ARHGEF11: variants seen among roughly 807,000 people sequenced by gnomAD.
The protein encoded by ARHGEF11 is Rho guanine nucleotide exchange factor 11, also known as Rho guanine exchange factor (GEF) 11.
A neutral mutation model predicts 193.7 loss-of-function variants in ARHGEF11; 55 were observed. The ratio of observed to expected loss-of-function variants is 0.28; its 90% confidence interval spans 0.23 to 0.36. The LOEUF (loss-of-function observed/expected upper bound fraction) is 0.36. Ranked by LOEUF, ARHGEF11 falls within the 10% of genes least tolerant of loss-of-function variation. The pLI, the probability that ARHGEF11 is intolerant of heterozygous loss-of-function variation, is 1.00. For missense variants in ARHGEF11, 1,723 were observed against 2,005.6 expected (o/e 0.86, Z 2.69); for synonymous variants, 693 against 768.0 (o/e 0.90, Z 1.62).
intron 1 of ARHGEF11, among the ~76,000 whole-genome samples, chr1:156,997,700 A>C (rs910734741): frequency 1.3e-5 from 2 of 152,194 alleles, no homozygotes; most frequent in African/African-American, 4.8e-5. Flanking sequence ...GGCTGGCTCA[A>C]ATTGAAATAC....
chr1:156,943,807 G>T, intron 32 of ARHGEF11, 128 bp downstream of exon 32: 1 of 1,210,306 alleles, frequency 8.3e-7, no homozygotes, highest in Non-Finnish European at 1.1e-6. Context: ...GCTGGGTCAG[G>T]ACAGGAGGAA....
intron 15 of ARHGEF11, among the ~76,000 whole-genome samples, chr1:156,959,859 GC>G (rs1395578016): frequency 1.3e-5 from 2 of 151,398 alleles, no homozygotes; most frequent in African/African-American, 4.9e-5. Flanking sequence ...CATCTAGCCT[GC>G]CTGGTCCTCA....
At chr1:156,938,241 C>G (rs914345759) in intron 38 of ARHGEF11, among the ~76,000 whole-genome samples, 177 bp downstream of exon 38, 1 of 152,152 alleles carries the variant, frequency 6.6e-6, no homozygotes, top group Non-Finnish European at 1.5e-5. Flanking sequence ...GGATGGACAG[C>G]CAGCCTTTAG....
At chr1:156,936,147 C>A in intron 40 of ARHGEF11, 89 bp from the exon 41 acceptor site, 2 of 1,320,508 alleles carry the variant, frequency 1.5e-6, no homozygotes, top group South Asian at 2.3e-5. Context: ...CTCACGAGAA[C>A]AGATCCTTCA....
intron 1 of ARHGEF11, among the ~76,000 whole-genome samples, chr1:156,998,291 T>G (rs919335129): frequency 1.3e-5 from 2 of 152,210 alleles, no homozygotes; most frequent in African/African-American, 4.8e-5. Flanking sequence ...CCTTGCAGGC[T>G]CTATCAGCAT....
intron 13 of ARHGEF11, among the ~76,000 whole-genome samples, chr1:156,962,235 A>G (rs574873647): frequency 6.6e-6 from 1 of 152,262 alleles, no homozygotes; most frequent in African/African-American, 2.4e-5. Flanking sequence ...GGACATGCAC[A>G]CAGGTGTTCA....
At chr1:156,980,350 A>T in intron 4 of ARHGEF11, 87 bp downstream of exon 4, 1 of 1,499,918 alleles carries the variant, frequency 6.7e-7, no homozygotes, top group Non-Finnish European at 9.1e-7. Flanking sequence ...TATCAAGATG[A>T]AAGTGTGCAG....
At chr1:156,936,499 T>TAAAAAAAA (rs1389872908) in intron 40 of ARHGEF11, among the ~76,000 whole-genome samples, 3 of 74,904 alleles carry the variant, frequency 4.0e-5, no homozygotes, top group African/African-American at 2.6e-4. Flanking sequence ...AAAAAAAAAA[T>TAAAAAAAA]ATATATATAT....
intron 10 of ARHGEF11, 145 bp from the exon 11 acceptor site, chr1:156,968,269 A>C (rs1195757413): frequency 1.2e-6 from 1 of 854,866 alleles, no homozygotes; most frequent in African/African-American, 1.7e-5. Context: ...TATTATACTA[A>C]GCCCTTCATT....
chr1:157,042,366 C>T (rs1672863084), intron 1 of ARHGEF11, among the ~76,000 whole-genome samples: 1 of 152,214 alleles, frequency 6.6e-6, no homozygotes, highest in South Asian at 2.1e-4. Flanking sequence ...GAAAACGGTG[C>T]CCCACACATT....
rs1470754795 is a variant in ARHGEF11 at position 156,967,847 on chromosome 1, T to TGTAAGTGACTGTTTGAGACA, written c.963+139_963+140insTGTCTCAAACAGTCACTTAC. 234 of 1,064,098 alleles carry TGTAAGTGACTGTTTGAGACA rather than the reference T, an allele frequency of 2.2e-4. 2 individuals carry two copies. The highest frequency in any genetic ancestry group is 5.8e-5 in the Non-Finnish European group (41 of 710,354). 65.9% of individuals were successfully genotyped at this position (1,064,098 alleles called of 1,614,324 possible). On this transcript the variant is annotated intron_variant, in intron 11 of 40. Transcript: ENST00000368194. The stretch of plus-strand genomic sequence containing the variant: ...CTCTTTCTTTACTATTTGCTCTCTA[T>TGTAAGTGACTGTTTGAGACA]GTAAGTGACTGTCTCAAAGTTTGGG...
intron 1 of ARHGEF11, among the ~76,000 whole-genome samples, chr1:157,029,260 T>TG (rs1671014162): frequency 1.7e-5 from 1 of 60,578 alleles, no homozygotes; most frequent in Admixed American, 2.2e-4. Flanking sequence ...CTTTGGTGGT[T>TG]TTTGTTGTTG....
chr1:157,007,380 A>C (rs1157751202), intron 1 of ARHGEF11, among the ~76,000 whole-genome samples: 1 of 152,118 alleles, frequency 6.6e-6, no homozygotes. Context: ...TTTAAACATC[A>C]GATCGTCTTA....
At chr1:156,967,770 C>T in intron 11 of ARHGEF11, 1 of 626,866 alleles carries the variant, frequency 1.6e-6, no homozygotes, top group Non-Finnish European at 2.8e-6. Flanking sequence ...CACCCACTCT[C>T]CACATAGAAA....
Position 156,956,474 on chromosome 1 carries a change from G to T in ARHGEF11, c.1617C>A (p.Ala539=). The change falls in exon 19 of 41, where the codon GCC becomes GCA. Residue 539 remains alanine, a synonymous_variant. Coordinates refer to ENST00000368194, the MANE Select transcript of ARHGEF11 (RefSeq NM_198236.3). ...ACTTGTCCTTGTCAGGAGCAGACTG[G>T]GCCTTTTCAGCTGTGTTGGAAGGTC... ...EARPSNTAEK[A]QSAPDKDKWL... 4 of 1,614,124 alleles carry T rather than the reference G, an allele frequency of 2.5e-6. No individual in the cohort carries two copies. Among genetic ancestry groups the T allele is most frequent in the Non-Finnish European group, 3.4e-6 (4 of 1,180,032 alleles).
intron 3 of ARHGEF11, 69 bp from the exon 4 acceptor site, chr1:156,980,555 TCAGATCAC>T: frequency 6.7e-7 from 1 of 1,492,008 alleles, no homozygotes; most frequent in Non-Finnish European, 9.2e-7. Context: ...AAGGTCCCTG[TCAGATCAC>T]CTCTCCTCTG....
chr1:156,971,865 G>A, intron 7 of ARHGEF11, 49 bp from the exon 8 acceptor site: 1 of 1,574,550 alleles, frequency 6.4e-7, no homozygotes, highest in Non-Finnish European at 8.6e-7. Context: ...GCAGAGGGGT[G>A]GTTAATAGAG....
At chr1:156,975,578 G>T (rs75194507) in intron 7 of ARHGEF11, among the ~76,000 whole-genome samples, 1,931 of 151,972 alleles carry the variant, frequency 0.013, 24 homozygotes, top group East Asian at 0.03. Context: ...CTATTTTTTT[G>T]GGGGGAGGTT....
chr1:156,942,414 A>G (rs1429980582), intron 33 of ARHGEF11, among the ~76,000 whole-genome samples: 4 of 152,226 alleles, frequency 2.6e-5, no homozygotes, highest in African/African-American at 9.6e-5. Flanking sequence ...AATCTGCCTA[A>G]TGGTGAAGGG....
Sources: gnomAD v4.1 joint callset for allele counts (sites outside exome capture counted in the v4.1 genomes callset) on GRCh38, gnomAD v4.1.1 for gene constraint, MANE v1.5 for transcripts, NCBI Gene and HGNC (gene_info 2026-07-23, HGNC 2026-07-21) for gene names.